BDNF: variants seen among roughly 807,000 people sequenced by gnomAD.
BDNF encodes brain derived neurotrophic factor, also known as neurotrophic factor BDNF precursor form.
A neutral mutation model predicts 19.5 loss-of-function variants in BDNF; 1 was observed. The observed-to-expected ratio is 0.05, with a 90% CI of 0.02 to 0.24. BDNF has a LOEUF of 0.24. Among genes scored for constraint, BDNF ranks in the 10% least tolerant of loss-of-function variants. BDNF has a pLI of 1.00. For synonymous variants in BDNF, 100 were observed against 121.6 expected, an observed-to-expected ratio of 0.82 and a Z score of 1.17; for missense variants, 195 against 317.6, an observed-to-expected ratio of 0.61 and a Z score of 2.93.
At chr11:27,721,297 C>T in intron 1 of BDNF, 2 of 1,222,416 alleles carry the variant, frequency 1.6e-6, no homozygotes. Flanking sequence ...ATTCCCCTGG[C>T]CTGAGTAGCT....
intron 1 of BDNF, chr11:27,677,751 A>C (rs1320955204): frequency 6.6e-6 from 1 of 152,246 alleles, no homozygotes; most frequent in Non-Finnish European, 1.5e-5. Flanking sequence ...ATTTTTGAAT[A>C]ATGTAAATTA....
At chr11:27,693,269 T>C (rs886966715) in intron 1 of BDNF, among the ~76,000 whole-genome samples, 1 of 152,206 alleles carries the variant, frequency 6.6e-6, no homozygotes, top group Non-Finnish European at 1.5e-5. Context: ...GATAACAGCC[T>C]CTTGTCACAC....
At chr11:27,667,474 A>C (rs1259693156) in intron 1 of BDNF, among the ~76,000 whole-genome samples, 1 of 152,234 alleles carries the variant, frequency 6.6e-6, no homozygotes, top group African/African-American at 2.4e-5. Flanking sequence ...TGGACTGGCA[A>C]ATTGGATAAA....
intron 1 of BDNF, among the ~76,000 whole-genome samples, chr11:27,663,104 G>A (rs756233746): frequency 6.6e-6 from 1 of 152,144 alleles, no homozygotes; most frequent in Non-Finnish European, 1.5e-5. Flanking sequence ...ATTCTGCTAA[G>A]CTTTCAATGA....
chr11:27,683,970 C>T (rs1413560784), intron 1 of BDNF, among the ~76,000 whole-genome samples: 2 of 152,116 alleles, frequency 1.3e-5, no homozygotes, highest in African/African-American at 4.8e-5. Context: ...ATGGGGATAG[C>T]ATTGGATCTA....
intron 1 of BDNF, among the ~76,000 whole-genome samples, chr11:27,679,359 C>A (rs544994457): frequency 6.6e-6 from 1 of 152,084 alleles, no homozygotes; most frequent in African/African-American, 2.4e-5. Context: ...TTAAACTGCC[C>A]GTAAGTAAGA....
chr11:27,697,156 C>CAGAGAG (rs1214718714), intron 1 of BDNF, among the ~76,000 whole-genome samples: 36 of 69,222 alleles, frequency 5.2e-4, no homozygotes, highest in Admixed American at 1.5e-3. Context: ...CACACACACA[C>CAGAGAG]ACACACACAG....
At chr11:27,704,738 C>T (rs1185290252), upstream of BDNF, among the ~76,000 whole-genome samples, 1 of 152,166 alleles carries the variant, frequency 6.6e-6, no homozygotes, top group Admixed American at 6.5e-5. Flanking sequence ...CTATGTCACT[C>T]GCAATCCTTG....
upstream of BDNF, chr11:27,700,858 G>C: frequency 2.4e-6 from 3 of 1,263,776 alleles, no homozygotes; most frequent in South Asian, 4.0e-5. Context: ...GAGCGAGTGA[G>C]AATCGCACGC....
chr11:27,674,762 C>G (rs1425574961), intron 1 of BDNF: 1 of 973,992 alleles, frequency 1.0e-6, no homozygotes, highest in Non-Finnish European at 1.2e-6. Context: ...CATGCAAACT[C>G]AAATACCAAC....
chr11:27,707,933 A>G (rs1291709231), intron 1 of BDNF, among the ~76,000 whole-genome samples: 1 of 152,150 alleles, frequency 6.6e-6, no homozygotes, highest in Non-Finnish European at 1.5e-5. Flanking sequence ...TTCAGACTAA[A>G]TATATTTCTG....
At position 27,657,009 on chromosome 11, in the gene BDNF, G is replaced by A. The variant is rs1025512989; in HGVS notation, c.*812C>T. On this transcript the variant is annotated 3_prime_UTR_variant, in exon 2 of 2. Transcript: ENST00000356660. This position sits in a 1 kb window ranked among gnomAD's most constrained non-coding sequence, Gnocchi z 5.0. ...AACATAGGTCCTTCCGTCAAAAGCA[G>A]CTTACTCTGACCAACGCCCAAAGAA... The A allele has an allele frequency of 2.0e-6, 2 of 985,476 alleles. No homozygotes were observed. Among genetic ancestry groups the A allele is most frequent in the African/African-American group, 1.7e-5 (1 of 57,366 alleles). The allele number at this position is 985,476 out of a possible 1,614,324, so 61.0% of individuals were successfully genotyped here. A position where few individuals can be genotyped will look rare whatever the true frequency, so the allele number is the denominator to read the frequency against.
At chr11:27,721,515 T>C in exon 1 of BDNF, 1 of 1,381,742 alleles carries the variant, frequency 7.2e-7, no homozygotes, top group Non-Finnish European at 1.0e-6. Context: ...ATGTGAGAAG[T>C]TCGGCTTTGC....
At chr11:27,696,008 C>T (rs1328356654) in intron 1 of BDNF, among the ~76,000 whole-genome samples, 4 of 152,088 alleles carry the variant, frequency 2.6e-5, no homozygotes, top group Admixed American at 2.6e-4. Context: ...TACCACTCCC[C>T]CTCCTCTCCC....
intron 1 of BDNF, among the ~76,000 whole-genome samples, chr11:27,670,956 A>C (rs1416093253): frequency 6.6e-6 from 1 of 152,210 alleles, no homozygotes; most frequent in African/African-American, 2.4e-5. Context: ...ACACATGCAC[A>C]CGTATGTTTA....
At chr11:27,707,375 T>C (rs1247993323) in intron 1 of BDNF, among the ~76,000 whole-genome samples, 1 of 152,222 alleles carries the variant, frequency 6.6e-6, no homozygotes, top group Non-Finnish European at 1.5e-5. Flanking sequence ...ATGGTGTCTG[T>C]AAAATCAGTC....
chr11:27,695,478 AG>A (rs1317747054), intron 1 of BDNF, among the ~76,000 whole-genome samples: 1 of 152,164 alleles, frequency 6.6e-6, no homozygotes, highest in Non-Finnish European at 1.5e-5. Context: ...AAAAACACAG[AG>A]GGTCGTCATA....
chr11:27,701,596 CGA>C (rs1365907764), upstream of BDNF: 15 of 986,832 alleles, frequency 1.5e-5, no homozygotes, highest in South Asian at 1.4e-4. Context: ...GGAGCGGCAG[CGA>C]GAGCAGCCCT....
chr11:27,699,722 C>G (rs142933235), intron 1 of BDNF: 1 of 1,374,316 alleles, frequency 7.3e-7, no homozygotes, highest in East Asian at 2.8e-5. Flanking sequence ...CCCACTCCCC[C>G]CGCAAGTCGG....
Sources: allele counts gnomAD v4.1 joint callset (sites outside exome capture counted in the v4.1 genomes callset), GRCh38; gene constraint gnomAD v4.1.1; non-coding constraint Gnocchi (gnomAD v3.1); transcripts MANE v1.5; gene names NCBI Gene and HGNC (gene_info 2026-07-23, HGNC 2026-07-21).